The following PLPPR1 variants were observed in gnomAD, a reference collection of about 807,000 sequenced individuals.
The protein encoded by PLPPR1 is phospholipid phosphatase-related protein type 1.
Under a neutral mutation model 33.1 loss-of-function variants are expected in PLPPR1, and 10 were observed. That is an observed-to-expected ratio of 0.30 (90% CI 0.19 to 0.51). The LOEUF is 0.51. Ranked by LOEUF, PLPPR1 falls within the 20% of genes least tolerant of loss-of-function variation. PLPPR1 has a pLI of 0.97. For missense variants in PLPPR1, 304 were observed against 408.1 expected, an observed-to-expected ratio of 0.74 and a Z score of 2.20; for synonymous variants, 151 against 151.0, an observed-to-expected ratio of 1.00 and a Z score of 0.00.
chr9:101,322,198 C>CAAAAA (rs57344415), intron 7 of PLPPR1, among the ~76,000 whole-genome samples: 44 of 27,678 alleles, frequency 1.6e-3, no homozygotes, highest in Non-Finnish European at 1.9e-3. Context: ...GACTTCATCT[C>CAAAAA]AAAAAAAAAA....
chr9:101,154,903 T>C (rs1386214340), intron 1 of PLPPR1, among the ~76,000 whole-genome samples: 3 of 136,912 alleles, frequency 2.2e-5, no homozygotes, highest in Non-Finnish European at 4.5e-5. Context: ...TAGGTGGGAA[T>C]TGAACAAAGA....
chr9:101,249,331 A>G (rs930325123), intron 2 of PLPPR1, among the ~76,000 whole-genome samples: 1 of 152,098 alleles, frequency 6.6e-6, no homozygotes, highest in African/African-American at 2.4e-5. Flanking sequence ...GCATGTATTT[A>G]AAACCCCATG....
rs535107387 is a variant in PLPPR1 at position 101,108,138 on chromosome 9, C to T, written c.-45-77312C>T. Among the ~76,000 whole-genome samples the T allele has an allele frequency of 2.1e-4, 31 of 146,910 alleles. No individual in the cohort carries two copies. In the South Asian group the frequency reaches 2.5e-3, roughly 12 times the overall value. Reference sequence around the variant, plus strand: ...GTCGCTCACGCTGGGAGCTGTAGACCGGAGCTGTTCCTATTCGGCCATCTT... The same window carrying T: ...GTCGCTCACGCTGGGAGCTGTAGACTGGAGCTGTTCCTATTCGGCCATCTT... On this transcript the variant is annotated intron_variant, in intron 1 of 7. Transcript: ENST00000374874.
At chr9:101,242,473 C>A (rs1325650569) in intron 2 of PLPPR1, among the ~76,000 whole-genome samples, 1 of 151,920 alleles carries the variant, frequency 6.6e-6, no homozygotes, top group Admixed American at 6.6e-5. Flanking sequence ...TGTTAAAATT[C>A]TTTTTGATTT....
chr9:101,288,567 A>T lies in PLPPR1; in HGVS notation c.385+2331A>T, dbSNP rs532851218. Among the ~76,000 whole-genome samples, 137 of 148,570 alleles carry T rather than the reference A, an allele frequency of 9.2e-4. 1 individual carries two copies. The highest frequency in any genetic ancestry group is 1.3e-3 in the Non-Finnish European group (89 of 67,260). ...GGATTGCTGGGTTTAGTAAAAAAATAAAAAAATAAAAAAAAAGCACTTCCT... is the reference window on the plus strand; with the variant it reads ...GGATTGCTGGGTTTAGTAAAAAAATTAAAAAATAAAAAAAAAGCACTTCCT... On this transcript the variant is annotated intron_variant, in intron 4 of 7. Coordinates refer to ENST00000374874, the MANE Select transcript of PLPPR1 (RefSeq NM_207299.2).
intron 1 of PLPPR1, among the ~76,000 whole-genome samples, chr9:101,064,401 A>G (rs1248154111): frequency 6.6e-6 from 1 of 152,032 alleles, no homozygotes; most frequent in Non-Finnish European, 1.5e-5. Flanking sequence ...ATATTTATGG[A>G]ATGAATGAAT....
At chr9:101,168,219 C>T (rs1227309378) in intron 1 of PLPPR1, among the ~76,000 whole-genome samples, 2 of 152,132 alleles carry the variant, frequency 1.3e-5, no homozygotes, top group African/African-American at 4.8e-5. Flanking sequence ...CTCCCTCTGC[C>T]ATCCCTCTTG....
At chr9:101,262,041 T>C (rs1466026042) in intron 2 of PLPPR1, among the ~76,000 whole-genome samples, 1 of 151,082 alleles carries the variant, frequency 6.6e-6, no homozygotes, top group African/African-American at 2.4e-5. Flanking sequence ...ACTAGAAAAA[T>C]AGTCTCTAAT....
intron 2 of PLPPR1, among the ~76,000 whole-genome samples, chr9:101,194,232 A>ACCCAG (rs1826353164): frequency 1.3e-5 from 2 of 152,192 alleles, no homozygotes; most frequent in Non-Finnish European, 2.9e-5. Flanking sequence ...AGTACTTACA[A>ACCCAG]CCCAGCTATA....
At chr9:101,069,251 C>A (rs1830455853) in intron 1 of PLPPR1, among the ~76,000 whole-genome samples, 1 of 151,988 alleles carries the variant, frequency 6.6e-6, no homozygotes, top group South Asian at 2.1e-4. Context: ...TGTAATAGAG[C>A]AACAACCAAC....
At chr9:101,113,705 A>G (rs1318238794) in intron 1 of PLPPR1, among the ~76,000 whole-genome samples, 2 of 152,228 alleles carry the variant, frequency 1.3e-5, no homozygotes, top group Non-Finnish European at 2.9e-5. Flanking sequence ...TCACATGCAA[A>G]AAACCAAACA....
At chr9:101,114,979 C>T (rs1050906829) in intron 1 of PLPPR1, among the ~76,000 whole-genome samples, 3 of 152,098 alleles carry the variant, frequency 2.0e-5, no homozygotes, top group African/African-American at 7.2e-5. Context: ...TTTGTTATCT[C>T]TTGTAGCTAA....
intron 1 of PLPPR1, among the ~76,000 whole-genome samples, chr9:101,092,767 A>G (rs10989399): frequency 0.053 from 8,128 of 152,136 alleles, 391 homozygotes; most frequent in African/African-American, 0.12. Context: ...AAATCCATCT[A>G]TTGGAACCCT....
At chr9:101,211,091 G>C (rs749286134) in intron 2 of PLPPR1, among the ~76,000 whole-genome samples, 14 of 152,084 alleles carry the variant, frequency 9.2e-5, no homozygotes, top group Non-Finnish European at 2.1e-4. Context: ...TATTGCCCCT[G>C]GTTAAGTTCA....
At chr9:101,291,433 GC>G (rs1352644193) in intron 4 of PLPPR1, among the ~76,000 whole-genome samples, 1 of 152,214 alleles carries the variant, frequency 6.6e-6, no homozygotes, top group Non-Finnish European at 1.5e-5. Context: ...TTTGAAAAGA[GC>G]AGTGGTTCTC....
intron 2 of PLPPR1, among the ~76,000 whole-genome samples, chr9:101,193,088 G>C (rs1826330866): frequency 6.6e-6 from 1 of 152,122 alleles, no homozygotes; most frequent in Admixed American, 6.6e-5. Flanking sequence ...TCTACAAGTA[G>C]AGTATTTTGA....
chr9:101,204,514 A>C (rs1252480411), intron 2 of PLPPR1, among the ~76,000 whole-genome samples: 1 of 152,146 alleles, frequency 6.6e-6, no homozygotes, highest in African/African-American at 2.4e-5. Flanking sequence ...AGTTCCAGCC[A>C]GCCATATTGA....
chr9:101,232,378 G>A (rs1034639608), intron 2 of PLPPR1, among the ~76,000 whole-genome samples: 1 of 151,842 alleles, frequency 6.6e-6, no homozygotes, highest in Non-Finnish European at 1.5e-5. Flanking sequence ...TGGGCAACTG[G>A]GCATCATGAC....
chr9:101,256,330 A>G (rs1827801654), intron 2 of PLPPR1, among the ~76,000 whole-genome samples: 1 of 152,218 alleles, frequency 6.6e-6, no homozygotes, highest in South Asian at 2.1e-4. Context: ...TGGTGTGATC[A>G]CATAAAACTA....
Sources: allele counts gnomAD v4.1 joint callset (sites outside exome capture counted in the v4.1 genomes callset), GRCh38; gene constraint gnomAD v4.1.1; transcripts MANE v1.5; gene names NCBI Gene and HGNC (gene_info 2026-07-23, HGNC 2026-07-21).